The following SENP5 variants were observed in gnomAD, a reference collection of about 807,000 sequenced individuals.
SENP5 encodes the protein sentrin-specific protease 5.
SENP5 carries 21 observed loss-of-function variants against 74.2 expected under a neutral mutation model. The observed-to-expected ratio is 0.28, with a 90% confidence interval of 0.20 to 0.41. SENP5 has a LOEUF of 0.41. SENP5 is among the 10% of genes least tolerant of loss of function. The pLI is 1.00. For missense variants in SENP5, 717 were observed against 889.1 expected, an observed-to-expected ratio of 0.81 and a Z score of 2.46; for synonymous variants, 311 against 312.7, an observed-to-expected ratio of 0.99 and a Z score of 0.06.
chr3:196,911,005 T>C (rs1030856114), intron 6 of SENP5, among the ~76,000 whole-genome samples: 2 of 152,166 alleles, frequency 1.3e-5, no homozygotes, highest in African/African-American at 4.8e-5. Context: ...CTGGGAAAAC[T>C]GGCTAGCCAT....
chr3:196,910,322 T>A (rs904560104), intron 6 of SENP5, among the ~76,000 whole-genome samples: 11 of 143,974 alleles, frequency 7.6e-5, no homozygotes, highest in Non-Finnish European at 3.0e-5. Context: ...ATGGCCATAC[T>A]GCCCAAAGTA....
At chr3:196,872,896 G>T (rs994982698) in intron 1 of SENP5, among the ~76,000 whole-genome samples, 3 of 152,072 alleles carry the variant, frequency 2.0e-5, no homozygotes, top group Non-Finnish European at 2.9e-5. Flanking sequence ...GCAAGGATGG[G>T]TAGGGGACAG....
chr3:196,919,805 A>G (rs1242352251), intron 6 of SENP5, among the ~76,000 whole-genome samples: 5 of 151,246 alleles, frequency 3.3e-5, no homozygotes, highest in Non-Finnish European at 5.9e-5. Flanking sequence ...AAAAAAAAAA[A>G]GGGAGGGATC....
chr3:196,875,727 A>T (rs1187181894), intron 1 of SENP5, among the ~76,000 whole-genome samples: 2 of 151,690 alleles, frequency 1.3e-5, no homozygotes, highest in Non-Finnish European at 2.9e-5. Flanking sequence ...TTTAATTTTT[A>T]TTTTATTTTT....
intron 1 of SENP5, among the ~76,000 whole-genome samples, chr3:196,869,699 T>C (rs1713120795): frequency 8.0e-6 from 1 of 125,014 alleles, no homozygotes; most frequent in Non-Finnish European, 1.6e-5. Flanking sequence ...GGCGAGGTTG[T>C]GGTGAGCTGA....
rs1716125700 is a variant in SENP5, at chr3:196,933,508, A to G, written c.*2585A>G. ...CTTGGTTAATAAAGATATTTTTGAAATATACTCTGGACTGTTGGTGAAAGA... is the reference window on the plus strand; with the variant it reads ...CTTGGTTAATAAAGATATTTTTGAAGTATACTCTGGACTGTTGGTGAAAGA... On this transcript the variant is annotated 3_prime_UTR_variant, in exon 10 of 10. Coordinates refer to ENST00000323460, the MANE Select transcript of SENP5 (RefSeq NM_152699.5). 6.6e-6 allele frequency: 1 copy of G among 152,040 alleles called. No homozygotes were observed. The highest frequency in any genetic ancestry group is 1.5e-5 in the Non-Finnish European group (1 of 68,030). The allele number at this position is 152,040 out of a possible 1,614,324, so 9.4% of individuals were successfully genotyped here.
At chr3:196,919,896 A>T (rs1715540892) in intron 6 of SENP5, among the ~76,000 whole-genome samples, 1 of 151,780 alleles carries the variant, frequency 6.6e-6, no homozygotes, top group Non-Finnish European at 1.5e-5. Flanking sequence ...CTGATCATAT[A>T]TGTGTAGGTC....
At chr3:196,870,183 T>G (rs978218566) in intron 1 of SENP5, among the ~76,000 whole-genome samples, 9 of 152,222 alleles carry the variant, frequency 5.9e-5, no homozygotes, top group African/African-American at 2.2e-4. Context: ...CTGTCACTGA[T>G]TTAAAGAATT....
chr3:196,910,015 C>T (rs1014944177), intron 6 of SENP5, among the ~76,000 whole-genome samples: 1 of 152,112 alleles, frequency 6.6e-6, no homozygotes, highest in East Asian at 1.9e-4. Flanking sequence ...CGTCTCAGCC[C>T]CAAAACCCCT....
Position 196,931,207 on chromosome 3 carries a change from A to T in SENP5, c.*284A>T, listed in dbSNP as rs1250842869. ...CATATAGACAGAGCATGCAGTGAAG[A>T]GTATTAAAAAAAAAAGCTTAGTAGA... On this transcript the variant is annotated 3_prime_UTR_variant, in exon 10 of 10. Coordinates refer to ENST00000323460, the MANE Select transcript of SENP5 (RefSeq NM_152699.5). The T allele has an allele frequency of 3.9e-6, 1 of 253,386 alleles. No homozygotes were observed. Among genetic ancestry groups the T allele is most frequent in the South Asian group, 9.4e-5 (1 of 10,636 alleles). The allele number at this position is 253,386 out of a possible 1,614,324, so 15.7% of individuals were successfully genotyped here.
intron 6 of SENP5, among the ~76,000 whole-genome samples, chr3:196,919,923 G>T (rs1341503241): frequency 6.6e-6 from 1 of 151,290 alleles, no homozygotes; most frequent in Admixed American, 6.6e-5. Context: ...TGGATTTTCT[G>T]TTCTCTTACA....
rs1577855471 is a variant in SENP5 at position 196,932,778 on chromosome 3, G to T, written c.*1855G>T. 3 of 110,612 alleles carry T rather than the reference G, an allele frequency of 2.7e-5. No individual in the cohort carries two copies. The highest frequency in any genetic ancestry group is 3.2e-4 in the South Asian group (1 of 3,148). The allele number at this position is 110,612 out of a possible 1,614,324, so 6.9% of individuals were successfully genotyped here. A position where few individuals can be genotyped will look rare whatever the true frequency, so the allele number is the denominator to read the frequency against. ...TTTTGTGGGGGTGTGGTATACCAAA[G>T]TAGCCAGTCACTGGGCTGTCAGTTC... On this transcript the variant is annotated 3_prime_UTR_variant, in exon 10 of 10. Transcript: ENST00000323460.
chr3:196,869,957 A>T (rs1320608865), intron 1 of SENP5, among the ~76,000 whole-genome samples: 1 of 151,654 alleles, frequency 6.6e-6, no homozygotes, highest in African/African-American at 2.4e-5. Flanking sequence ...AGTGCTCTAT[A>T]CACAGGCCTG....
In SENP5 at chr3:196,874,405, A is replaced by T. The variant is rs114031295; in HGVS notation, c.-32+6332A>T. ...CATTGTACTAAAATTTCTCCTGCAA[A>T]TGTCAAGAGAATTCAGTGAACACTT... On this transcript the variant is annotated intron_variant, in intron 1 of 9. Coordinates refer to ENST00000323460, the MANE Select transcript of SENP5 (RefSeq NM_152699.5). Among the ~76,000 whole-genome samples the T allele has an allele frequency of 6.4e-3, 977 of 151,720 alleles. 11 individuals are homozygous for T. Among genetic ancestry groups the T allele is most frequent in the African/African-American group, 0.023 (929 of 41,288 alleles).
chr3:196,934,399 T>G lies in SENP5; in HGVS notation c.*3476T>G, dbSNP rs575518979. On this transcript the variant is annotated 3_prime_UTR_variant, in exon 10 of 10. Coordinates refer to ENST00000323460, the MANE Select transcript of SENP5 (RefSeq NM_152699.5). ...TCAGCAAGACAGTGTATTAATAGTG[T>G]GAATTAGATACACTGATGACCTGCT... 2.6e-5 allele frequency: 4 copies of G among 152,322 alleles called. 1 individual carries two copies. In the South Asian group the frequency reaches 8.3e-4, roughly 32 times the overall value. 9.4% of individuals were successfully genotyped at this position (152,322 alleles called of 1,614,324 possible).
intron 5 of SENP5, among the ~76,000 whole-genome samples, chr3:196,901,426 C>G (rs1714696884): frequency 1.3e-5 from 2 of 152,120 alleles, no homozygotes; most frequent in African/African-American, 4.8e-5. Context: ...TTAGATAAAT[C>G]TTTGATACTC....
chr3:196,893,871 C>T (rs1714318946), intron 2 of SENP5, among the ~76,000 whole-genome samples: 1 of 147,934 alleles, frequency 6.8e-6, no homozygotes, highest in African/African-American at 2.5e-5. Context: ...GATCGCACCA[C>T]TGCACTCCAG....
At chr3:196,928,598 G>A (rs1577851426) in intron 8 of SENP5, among the ~76,000 whole-genome samples, 1 of 152,158 alleles carries the variant, frequency 6.6e-6, no homozygotes, top group African/African-American at 2.4e-5. Flanking sequence ...TACAGAGTCA[G>A]GTCCTTGAAC....
intron 1 of SENP5, among the ~76,000 whole-genome samples, chr3:196,868,276 C>T (rs1267437978): frequency 6.6e-6 from 1 of 152,266 alleles, no homozygotes; most frequent in African/African-American, 2.4e-5. Flanking sequence ...TCCCGAGGGG[C>T]CGCTGCCCTG....
Sources: gnomAD v4.1 joint callset for allele counts (sites outside exome capture counted in the v4.1 genomes callset) on GRCh38, gnomAD v4.1.1 for gene constraint, MANE v1.5 for transcripts, NCBI Gene and HGNC (gene_info 2026-07-23, HGNC 2026-07-21) for gene names.